TPRKB: variants seen among roughly 807,000 people sequenced by gnomAD.
The protein encoded by TPRKB is TP53RK binding protein.
TPRKB carries 11 observed loss-of-function variants against 17.8 expected under a neutral mutation model. The ratio of observed to expected loss-of-function variants is 0.62; its 90% CI spans 0.39 to 1.02. The LOEUF (loss-of-function observed/expected upper bound fraction) is 1.02. Ranked by LOEUF, TPRKB falls within the 50% of genes least tolerant of loss-of-function variation. The pLI is 0.00. For synonymous variants in TPRKB, 71 were observed against 69.5 expected (o/e 1.02, Z -0.11); for missense variants, 228 against 198.0 (o/e 1.15, Z -0.91).
Position 73,730,020 on chromosome 2 carries a change from GT to G in TPRKB, c.450del (p.Lys150AsnfsTer?). 1 of 1,566,032 alleles carries G rather than the reference GT, an allele frequency of 6.4e-7. No homozygotes were observed. The highest frequency in any genetic ancestry group is 8.7e-7 in the Non-Finnish European group (1 of 1,154,308). The stretch of plus-strand genomic sequence containing the variant: ...CCAATACTTTCTTCTTGTGAAGAGA[GT>G]TTATATATCTGTAAAAATGAAAGAC... Reference protein sequence around the residue: ...MNITEVKKIYKLSSQEESIGT... With the variant: ...MNITEVKKIYXLSSQEESIGT... On this transcript the variant is annotated frameshift_variant, in exon 5 of 5. Transcript: ENST00000272424. LOFTEE classifies it high-confidence loss of function.
intron 1 of TPRKB, among the ~76,000 whole-genome samples, chr2:73,735,033 T>C (rs142322084): frequency 3.3e-5 from 5 of 152,278 alleles, no homozygotes; most frequent in African/African-American, 1.2e-4. Flanking sequence ...AAAATAATTT[T>C]AAAGAATAAA....
chr2:73,736,697 G>C (rs1379107071), intron 1 of TPRKB, among the ~76,000 whole-genome samples: 2 of 152,194 alleles, frequency 1.3e-5, no homozygotes, highest in African/African-American at 4.8e-5. Flanking sequence ...AGCCTTCTGA[G>C]TGGTTTCTCA....
intron 1 of TPRKB, among the ~76,000 whole-genome samples, chr2:73,736,337 ATGAGG>A (rs2103874699): frequency 6.6e-6 from 1 of 152,334 alleles, no homozygotes; most frequent in Non-Finnish European, 1.5e-5. Context: ...TAGTGAGGTT[ATGAGG>A]TGATTTTTAT....
intron 2 of TPRKB, 81 bp from the exon 3 acceptor site, chr2:73,732,366 C>T: frequency 6.9e-7 from 1 of 1,439,322 alleles, no homozygotes; most frequent in Middle Eastern, 1.9e-4. Flanking sequence ...ATGGTTAACT[C>T]CAGTGTCAAG....
chr2:73,730,413 T>TAG (rs1389970701), intron 4 of TPRKB, 147 bp downstream of exon 4: 7 of 573,014 alleles, frequency 1.2e-5, no homozygotes, highest in Admixed American at 4.0e-5. Context: ...CCCAGTTCTT[T>TAG]GTATCTGTAA....
Position 73,730,048 on chromosome 2 carries a change from A to G in TPRKB, c.442-19T>C, listed in dbSNP as rs777455054. The G allele has an allele frequency of 3.2e-5, 49 of 1,541,596 alleles. No individual in the cohort carries two copies. The South Asian group carries it at 5.6e-4, about 18-fold the overall frequency. On this transcript the variant is annotated intron_variant, in intron 4 of 4. Transcript: ENST00000272424. Reference sequence around the variant, plus strand: ...TATATATCTGTAAAAATGAAAGACAAATTATGACTTGCTGATATCGTCATT... The same window carrying G: ...TATATATCTGTAAAAATGAAAGACAGATTATGACTTGCTGATATCGTCATT...
In TPRKB at chr2:73,732,227, A is replaced by G. The variant is rs1671644951; in HGVS notation, c.200T>C (p.Leu67Pro). The G allele has an allele frequency of 6.2e-7, 1 of 1,613,988 alleles. No individual in the cohort carries two copies. The change falls in exon 3 of 5, where the codon CTG (leucine) becomes CCG (proline). Residue 67 changes from leucine to proline, a missense_variant. Leu to Pro is a moderately conservative substitution (Grantham distance 98). Transcript: ENST00000272424. ...AANKAVHLYK[L>P]GKMKTRTLST... ...TAGAGTTCTTGTCTTCATTTTTCCC[A>G]GTTTGTAGAGGTGAACTGCTTTGTT...
intron 2 of TPRKB, among the ~76,000 whole-genome samples, chr2:73,733,432 T>C (rs921623534): frequency 6.6e-6 from 1 of 152,038 alleles, no homozygotes; most frequent in African/African-American, 2.4e-5. Context: ...CTACTTTTTG[T>C]ATTTTTAGTA....
At chr2:73,731,959 T>G (rs1486982522) in intron 3 of TPRKB, 1 of 471,656 alleles carries the variant, frequency 2.1e-6, no homozygotes, top group Non-Finnish European at 3.7e-6. Flanking sequence ...CCTCGCTTAA[T>G]TTAGCTAAAT....
chr2:73,736,346 T>C (rs1671877166), intron 1 of TPRKB, among the ~76,000 whole-genome samples: 1 of 152,184 alleles, frequency 6.6e-6, no homozygotes, highest in Non-Finnish European at 1.5e-5. Flanking sequence ...TATGAGGTGA[T>C]TTTTATTGTC....
rs193052332 is a variant in TPRKB at position 73,731,441 on chromosome 2, T to C, written c.265-705A>G. On this transcript the variant is annotated intron_variant, in intron 3 of 4. Transcript: ENST00000272424. ...TCTCAAGGAAACCATAATTAGTAAA[T>C]TTTATTCCAGGTACTGGGAATCTCT... is the stretch of plus-strand genomic sequence containing the variant. Among the ~76,000 whole-genome samples the C allele has an allele frequency of 1.1e-3, 173 of 152,280 alleles. 1 individual carries two copies. The highest frequency in any genetic ancestry group is 3.5e-3 in the African/African-American group (145 of 41,544).
chr2:73,733,814 C>CTTTTTT lies in TPRKB; in HGVS notation c.141+609_141+614dup, dbSNP rs755122123. On this transcript the variant is annotated intron_variant, in intron 2 of 4. Transcript: ENST00000272424. ...AAATGCCCTGTATGGCTCATTCATT[C>CTTTTTT]TTTTTTTTTTTTTTTTTTTTTGAGG... Among the ~76,000 whole-genome samples the CTTTTTT allele has an allele frequency of 2.9e-4, 33 of 114,012 alleles. 1 individual carries two copies. The highest frequency in any genetic ancestry group is 1.0e-3 in the African/African-American group (27 of 25,892). The allele number at this position is 114,012 out of a possible 152,430, so 74.8% of individuals were successfully genotyped here. A position where few individuals can be genotyped will look rare whatever the true frequency, so the allele number is the denominator to read the frequency against.
chr2:73,731,950 CTCGCTTAA>C, intron 3 of TPRKB: 1 of 447,032 alleles, frequency 2.2e-6, no homozygotes, highest in Non-Finnish European at 3.9e-6. Context: ...TAAAATTAAC[CTCGCTTAA>C]TTTAGCTAAA....
intron 3 of TPRKB, 152 bp downstream of exon 3, chr2:73,732,011 G>T: frequency 1.2e-6 from 1 of 843,524 alleles, no homozygotes; most frequent in Non-Finnish European, 1.8e-6. Flanking sequence ...AAGAGGCAGG[G>T]TTAAACCTCA....
intron 2 of TPRKB, among the ~76,000 whole-genome samples, chr2:73,733,270 GGAGAC>G (rs1671719170): frequency 4.1e-5 from 1 of 24,294 alleles, no homozygotes; most frequent in African/African-American, 1.1e-4. Context: ...TTTTTTTTTT[GGAGAC>G]AGACAGAGTC....
chr2:73,732,117 T>C (rs919024502), intron 3 of TPRKB, 46 bp downstream of exon 3: 19 of 1,592,934 alleles, frequency 1.2e-5, no homozygotes, highest in Non-Finnish European at 1.5e-5. Flanking sequence ...GAGGAACACA[T>C]ATGTTATTAT....
At chr2:73,734,081 C>T (rs543067178) in intron 2 of TPRKB, among the ~76,000 whole-genome samples, 4 of 150,628 alleles carry the variant, frequency 2.7e-5, no homozygotes, top group African/African-American at 9.8e-5. Context: ...GCTGGGATTA[C>T]AGGCGTGAGC....
Position 73,734,595 on chromosome 2 carries a change from C to A in TPRKB, c.-22-4G>T. ...TTCACAGATAAGCAGGATTCTACTGCACACAAAATGAAAAGACCAAAAGAT... is the reference window on the plus strand; with the variant it reads ...TTCACAGATAAGCAGGATTCTACTGAACACAAAATGAAAAGACCAAAAGAT... On this transcript the variant is annotated splice_region_variant and splice_polypyrimidine_tract_variant and intron_variant, in intron 1 of 4. Coordinates refer to ENST00000272424, the MANE Select transcript of TPRKB (RefSeq NM_016058.5). 1 of 1,564,824 alleles carries A rather than the reference C, an allele frequency of 6.4e-7. No homozygotes were observed. Among genetic ancestry groups the A allele is most frequent in the Non-Finnish European group, 8.6e-7 (1 of 1,160,836 alleles).
In TPRKB at chr2:73,730,577, T is replaced by A; in HGVS notation, c.424A>T (p.Ile142Phe). The change falls in exon 4 of 5, where the codon ATT becomes TTT. Residue 142 changes from isoleucine (I) to phenylalanine (F), a missense_variant. Physicochemically the swap from Ile to Phe is conservative, Grantham distance 21. Coordinates refer to ENST00000272424, the MANE Select transcript of TPRKB (RefSeq NM_016058.5). The stretch of plus-strand genomic sequence containing the variant: ...TGGCAAACCTTTTTGACTTCTGTAA[T>A]ATTCATTATTTCAGGAAGATTTTTC... Reference protein sequence around the residue: ...SLKNLPEIMNITEVKKIYKLS... With the variant: ...SLKNLPEIMNFTEVKKIYKLS... The A allele has an allele frequency of 6.3e-7, 1 of 1,589,886 alleles. No homozygotes were observed. The highest frequency in any genetic ancestry group is 2.3e-5 in the East Asian group (1 of 44,002).
Sources: allele counts gnomAD v4.1 joint callset (sites outside exome capture counted in the v4.1 genomes callset), GRCh38; gene constraint gnomAD v4.1.1; transcripts MANE v1.5; gene names NCBI Gene and HGNC (gene_info 2026-07-23, HGNC 2026-07-21).